Variants in ADGRA3 observed in about 807,000 individuals in gnomAD.
ADGRA3 encodes the protein G-protein coupled receptor 125.
Under a neutral mutation model 119.8 loss-of-function variants are expected in ADGRA3, and 56 were observed. That is an observed-to-expected ratio of 0.47 (90% confidence interval 0.38 to 0.58). The LOEUF is 0.58. ADGRA3 is among the 20% of genes least tolerant of loss of function. The pLI is 0.00. For missense variants in ADGRA3, 1,516 were observed against 1,649.0 expected (o/e 0.92, Z 1.40); for synonymous variants, 607 against 623.8 (o/e 0.97, Z 0.40).
intron 2 of ADGRA3, among the ~76,000 whole-genome samples, chr4:22,469,170 G>A (rs1717770065): frequency 6.6e-6 from 1 of 152,058 alleles, no homozygotes; most frequent in African/African-American, 2.4e-5. Context: ...TCCTGGAGGA[G>A]GTGTCCCTGC....
intron 14 of ADGRA3, among the ~76,000 whole-genome samples, chr4:22,406,996 G>A (rs1250153156): frequency 6.6e-6 from 1 of 152,222 alleles, no homozygotes. Context: ...ATAAGGCCGG[G>A]CGCAGTGGCT....
intron 1 of ADGRA3, among the ~76,000 whole-genome samples, chr4:22,493,448 C>T (rs1439076892): frequency 2.0e-5 from 3 of 152,158 alleles, no homozygotes; most frequent in African/African-American, 7.2e-5. Flanking sequence ...TACCATCCAA[C>T]CTCTTTTTGT....
At chr4:22,443,917 G>C (rs1716727424) in intron 6 of ADGRA3, among the ~76,000 whole-genome samples, 1 of 151,952 alleles carries the variant, frequency 6.6e-6, no homozygotes, top group South Asian at 2.1e-4. Context: ...AAAGAGAAAA[G>C]GAAAAAAATA....
chr4:22,391,136 C>A (rs1714120352), intron 17 of ADGRA3, among the ~76,000 whole-genome samples: 1 of 152,116 alleles, frequency 6.6e-6, no homozygotes, highest in African/African-American at 2.4e-5. Context: ...ACTAACTTCT[C>A]CCTGGGAGTT....
chr4:22,388,722 T>G lies in ADGRA3; in HGVS notation c.2949A>C (p.Thr983=), dbSNP rs867359118. The G allele has an allele frequency of 6.2e-7, 1 of 1,614,074 alleles. No homozygotes were observed. The highest frequency in any genetic ancestry group is 8.5e-7 in the Non-Finnish European group (1 of 1,179,978). Residue 983 remains threonine (T), a synonymous_variant, in exon 19 of 19, where the codon ACA becomes ACC. Transcript: ENST00000334304. ...AAGTGTGCTCATTTTCCAAGGCTGATGTAGAAATCAGAGACAAAGACATTG... is the reference window on the plus strand; with the variant it reads ...AAGTGTGCTCATTTTCCAAGGCTGAGGTAGAAATCAGAGACAAAGACATTG... The part of the protein sequence containing the change: ...QDSMSLSLIS[T]SALENEHTFH...
rs1279735592 is a variant in ADGRA3 at position 22,468,489 on chromosome 4, C to T, written c.329+5283G>A. Among the ~76,000 whole-genome samples the T allele has an allele frequency of 4.6e-5, 7 of 152,056 alleles. No individual in the cohort carries two copies. The East Asian group carries it at 1.2e-3, about 25-fold the overall frequency. On this transcript the variant is annotated intron_variant, in intron 2 of 18. Transcript: ENST00000334304. The stretch of plus-strand genomic sequence containing the variant: ...ATAAAACGAAGACAGAGATGGGACT[C>T]GGTGCGGTGGTTCACACATCTGTAA...
chr4:22,508,162 AG>A (rs1240681020), intron 1 of ADGRA3, among the ~76,000 whole-genome samples: 4 of 152,212 alleles, frequency 2.6e-5, no homozygotes, highest in Admixed American at 2.6e-4. Context: ...CCAGTATCAT[AG>A]AAAGTGACAC....
chr4:22,400,342 T>C (rs1327892592), intron 16 of ADGRA3, among the ~76,000 whole-genome samples: 3 of 152,126 alleles, frequency 2.0e-5, no homozygotes, highest in Non-Finnish European at 4.4e-5. Flanking sequence ...GGTCTCTACA[T>C]ACAATGGAAT....
chr4:22,447,408 A>G, intron 5 of ADGRA3, 32 bp downstream of exon 5: 1 of 1,309,142 alleles, frequency 7.6e-7, no homozygotes, highest in Non-Finnish European at 1.1e-6. Context: ...TGAAAATCAA[A>G]AAAAAAAAGA....
At chr4:22,438,501 T>G in intron 7 of ADGRA3, 81 bp from the exon 8 acceptor site, 2 of 1,122,686 alleles carry the variant, frequency 1.8e-6, no homozygotes, top group Non-Finnish European at 2.5e-6. Flanking sequence ...ATCATTAATT[T>G]AGCAAATATT....
chr4:22,507,887 C>T (rs1304676729), intron 1 of ADGRA3, among the ~76,000 whole-genome samples: 1 of 152,154 alleles, frequency 6.6e-6, no homozygotes, highest in African/African-American at 2.4e-5. Context: ...ATTGAATATA[C>T]CCATCCTTGA....
intron 4 of ADGRA3, among the ~76,000 whole-genome samples, chr4:22,449,122 T>G (rs1409005942): frequency 6.6e-6 from 1 of 151,656 alleles, no homozygotes; most frequent in Non-Finnish European, 1.5e-5. Context: ...ACTACAAAAT[T>G]AGCTGGGTGT....
At chr4:22,423,854 C>T (rs1041616106) in intron 11 of ADGRA3, among the ~76,000 whole-genome samples, 1 of 152,066 alleles carries the variant, frequency 6.6e-6, no homozygotes, top group Non-Finnish European at 1.5e-5. Flanking sequence ...GAAACACTTT[C>T]GGTGGATTAG....
chr4:22,438,672 C>T (rs28501220), intron 7 of ADGRA3, among the ~76,000 whole-genome samples: 3,462 of 152,194 alleles, frequency 0.023, 133 homozygotes, highest in African/African-American at 0.079. Flanking sequence ...CAATGCTATA[C>T]GACGCATGAG....
chr4:22,446,361 G>T (rs183725634), intron 5 of ADGRA3, among the ~76,000 whole-genome samples: 1 of 152,154 alleles, frequency 6.6e-6, no homozygotes, highest in Non-Finnish European at 1.5e-5. Context: ...GCTACCCAGG[G>T]TCTCAAAAGC....
chr4:22,444,917 C>T, intron 6 of ADGRA3, 56 bp downstream of exon 6: 1 of 1,563,616 alleles, frequency 6.4e-7, no homozygotes, highest in South Asian at 1.1e-5. Context: ...TCAAGAAAAA[C>T]ATGGTAGCAA....
chr4:22,399,387 CCT>C (rs1714515345), intron 16 of ADGRA3, among the ~76,000 whole-genome samples: 1 of 151,776 alleles, frequency 6.6e-6, no homozygotes, highest in Non-Finnish European at 1.5e-5. Flanking sequence ...CTAGTGGATG[CCT>C]TTCACTGTCT....
At chr4:22,450,952 ATATAT>A (rs1560324174) in intron 4 of ADGRA3, among the ~76,000 whole-genome samples, 5 of 111,594 alleles carry the variant, frequency 4.5e-5, no homozygotes, top group South Asian at 2.8e-4. Flanking sequence ...AAAAAAAAAA[ATATAT>A]ATATATATAT....
At chr4:22,477,399 T>G (rs1444903839) in intron 1 of ADGRA3, among the ~76,000 whole-genome samples, 1 of 152,212 alleles carries the variant, frequency 6.6e-6, no homozygotes, top group African/African-American at 2.4e-5. Flanking sequence ...TCGAGATCCT[T>G]TCCAGCTAGT....
Sources: allele counts gnomAD v4.1 joint callset (sites outside exome capture counted in the v4.1 genomes callset), GRCh38; gene constraint gnomAD v4.1.1; transcripts MANE v1.5; gene names NCBI Gene and HGNC (gene_info 2026-07-23, HGNC 2026-07-21).